ATRNL1: variants seen among roughly 807,000 people sequenced by gnomAD.
The protein encoded by ATRNL1 is attractin like 1, also known as attractin-like protein 1.
In ATRNL1, 95 loss-of-function variants were observed where a neutral mutation model predicts 182.7. That is an observed-to-expected ratio of 0.52 (90% confidence interval 0.44 to 0.62). The LOEUF (loss-of-function observed/expected upper bound fraction) is 0.62, where lower values mean the gene tolerates loss of function less well. Among genes scored for constraint, ATRNL1 ranks in the 20% least tolerant of loss-of-function variants. The pLI is 0.00. For missense variants in ATRNL1, 1,471 were observed against 1,679.5 expected (o/e 0.88, Z 2.17); for synonymous variants, 576 against 568.3 (o/e 1.01, Z -0.19).
Position 115,921,114 on chromosome 10 carries a change from G to A in ATRNL1, c.4019-23544G>A, listed in dbSNP as rs118132142. 7.4e-4 allele frequency among the ~76,000 whole-genome samples: 113 copies of A among 152,158 alleles called. 2 individuals are homozygous for A. The East Asian group carries it at 0.016, about 22-fold the overall frequency. Reference sequence around the variant, plus strand: ...ACATTTTTGGAGTTTCACGAAAGGAGGTCCCTGAAGAATAGAAGATGGTTT... The same window carrying A: ...ACATTTTTGGAGTTTCACGAAAGGAAGTCCCTGAAGAATAGAAGATGGTTT... On this transcript the variant is annotated intron_variant, in intron 28 of 28. Transcript: ENST00000355044.
intron 18 of ATRNL1, 88 bp downstream of exon 18, chr10:115,315,824 T>G: frequency 8.8e-7 from 1 of 1,136,716 alleles, no homozygotes; most frequent in Admixed American, 2.4e-5. Flanking sequence ...AAAATTTAGC[T>G]TTAGGAAAAA....
At chr10:115,565,361 G>C (rs912793376) in intron 26 of ATRNL1, among the ~76,000 whole-genome samples, 2 of 151,920 alleles carry the variant, frequency 1.3e-5, no homozygotes, top group Admixed American at 6.6e-5. Flanking sequence ...ATAAAAAAAG[G>C]CTTCTGCTAC....
At chr10:115,874,630 TGTAG>T (rs1951659650) in intron 28 of ATRNL1, among the ~76,000 whole-genome samples, 1 of 152,094 alleles carries the variant, frequency 6.6e-6, no homozygotes, top group South Asian at 2.1e-4. Flanking sequence ...AAGATAAAAA[TGTAG>T]GTGAGAGAGA....
At chr10:115,905,784 T>C (rs936647371) in intron 28 of ATRNL1, among the ~76,000 whole-genome samples, 11 of 152,194 alleles carry the variant, frequency 7.2e-5, no homozygotes, top group African/African-American at 2.4e-4. Context: ...AAGAATCACA[T>C]CTGTCATGAG....
chr10:115,361,028 A>G (rs1253373869), intron 19 of ATRNL1, among the ~76,000 whole-genome samples: 3 of 151,918 alleles, frequency 2.0e-5, no homozygotes, highest in African/African-American at 7.2e-5. Flanking sequence ...CTTTGGTTAC[A>G]GTGGTGTCTG....
In ATRNL1 at chr10:115,771,041, A is replaced by G. The variant is rs551237448; in HGVS notation, c.3903+43686A>G. Reference sequence around the variant, plus strand: ...ACAATATTAACTTTTGAGGACGTCAAATGTAGAAATTGAAGCTCACAGTTA... The same window carrying G: ...ACAATATTAACTTTTGAGGACGTCAGATGTAGAAATTGAAGCTCACAGTTA... On this transcript the variant is annotated intron_variant, in intron 27 of 28. Transcript: ENST00000355044. Among the ~76,000 whole-genome samples the G allele has an allele frequency of 4.6e-5, 7 of 152,274 alleles. No individual in the cohort carries two copies. The South Asian group carries it at 8.3e-4, about 18-fold the overall frequency.
Position 115,346,325 on chromosome 10 carries a change from G to A in ATRNL1, c.3175+11906G>A, listed in dbSNP as rs186147043. Among the ~76,000 whole-genome samples the A allele has an allele frequency of 6.5e-3, 982 of 152,176 alleles. 10 individuals carry two copies. The highest frequency in any genetic ancestry group is 0.01 in the Non-Finnish European group (700 of 67,986). ...TACTTTCTGTTTCTGTGAATTTGAT[G>A]GCTATAGATACCTCATGTTAAGTGG... On this transcript the variant is annotated intron_variant, in intron 19 of 28. Coordinates refer to ENST00000355044, the MANE Select transcript of ATRNL1 (RefSeq NM_207303.4).
At chr10:115,394,853 A>T (rs781858711) in intron 20 of ATRNL1, 101 bp downstream of exon 20, 8 of 860,914 alleles carry the variant, frequency 9.3e-6, no homozygotes, top group Non-Finnish European at 1.4e-5. Flanking sequence ...CTAGTTAGGC[A>T]TACCTTTATT....
chr10:115,355,265 T>A (rs149099391), intron 19 of ATRNL1, among the ~76,000 whole-genome samples: 41 of 152,300 alleles, frequency 2.7e-4, no homozygotes, highest in African/African-American at 9.6e-4. Flanking sequence ...TCTGGCATTG[T>A]TTATACCTGT....
intron 22 of ATRNL1, among the ~76,000 whole-genome samples, chr10:115,464,691 T>G (rs376136598): frequency 1.4e-4 from 21 of 151,942 alleles, no homozygotes; most frequent in Admixed American, 1.4e-3. Context: ...ACAACAGTTA[T>G]GCTCATATTA....
At chr10:115,403,547 C>CT (rs1446166436) in intron 20 of ATRNL1, among the ~76,000 whole-genome samples, 1 of 152,020 alleles carries the variant, frequency 6.6e-6, no homozygotes, top group Non-Finnish European at 1.5e-5. Flanking sequence ...CCTCCACTCT[C>CT]TGGGTTCAAG....
chr10:115,455,895 C>CACTGGTGATT (rs1333440288), intron 21 of ATRNL1, among the ~76,000 whole-genome samples: 1 of 152,158 alleles, frequency 6.6e-6, no homozygotes, highest in Non-Finnish European at 1.5e-5. Flanking sequence ...AGCTCATCAT[C>CACTGGTGATT]ACTGGTGATT....
intron 9 of ATRNL1, among the ~76,000 whole-genome samples, chr10:115,232,335 C>T (rs541265676): frequency 5.3e-5 from 8 of 152,156 alleles, no homozygotes; most frequent in Admixed American, 3.3e-4. Flanking sequence ...TTTTAATTTG[C>T]GTTTCCTTAA....
Position 115,947,273 on chromosome 10 carries a change from A to G in ATRNL1, c.*2494A>G, listed in dbSNP as rs1266457237. Reference sequence around the variant, plus strand: ...GATGCTTTCATTTTTTTTAAATCAAACCACACAAATATGCAGATACTTTCC... The same window carrying G: ...GATGCTTTCATTTTTTTTAAATCAAGCCACACAAATATGCAGATACTTTCC... On this transcript the variant is annotated 3_prime_UTR_variant, in exon 29 of 29. Transcript: ENST00000355044. The G allele has an allele frequency of 1.3e-5, 2 of 152,556 alleles. No homozygotes were observed. Among genetic ancestry groups the G allele is most frequent in the African/African-American group, 2.4e-5 (1 of 41,418 alleles). 9.5% of individuals were successfully genotyped at this position (152,556 alleles called of 1,614,324 possible).
chr10:115,451,200 A>G (rs1554967569), intron 21 of ATRNL1, among the ~76,000 whole-genome samples: 1 of 152,212 alleles, frequency 6.6e-6, no homozygotes, highest in Non-Finnish European at 1.5e-5. Flanking sequence ...CATCCTGGAC[A>G]AAGGAACTGG....
chr10:115,834,939 A>C (rs1950635808), intron 27 of ATRNL1, among the ~76,000 whole-genome samples: 1 of 152,206 alleles, frequency 6.6e-6, no homozygotes. Flanking sequence ...AAAACCTTTT[A>C]ATCTTGCTAA....
intron 18 of ATRNL1, among the ~76,000 whole-genome samples, chr10:115,332,021 C>T (rs575943811): frequency 1.3e-5 from 2 of 152,282 alleles, no homozygotes; most frequent in Admixed American, 1.3e-4. Flanking sequence ...GTTACTAGCC[C>T]TACTCTTTCT....
At chr10:115,559,800 CT>C (rs1196518721) in intron 26 of ATRNL1, among the ~76,000 whole-genome samples, 1 of 152,156 alleles carries the variant, frequency 6.6e-6, no homozygotes, top group African/African-American at 2.4e-5. Flanking sequence ...TCATACTTAA[CT>C]TTTTTTAAAT....
intron 1 of ATRNL1, among the ~76,000 whole-genome samples, chr10:115,119,598 A>G (rs1441180412): frequency 6.6e-6 from 1 of 152,048 alleles, no homozygotes; most frequent in African/African-American, 2.4e-5. Flanking sequence ...TATGCATAAA[A>G]TAGAAGATAC....
Sources: allele counts gnomAD v4.1 joint callset (sites outside exome capture counted in the v4.1 genomes callset), GRCh38; gene constraint gnomAD v4.1.1; transcripts MANE v1.5; gene names NCBI Gene and HGNC (gene_info 2026-07-23, HGNC 2026-07-21).